The following TBC1D30 variants were observed in gnomAD, a reference collection of about 807,000 sequenced individuals.
TBC1D30 encodes the protein TBC1 domain family member 30.
A neutral mutation model predicts 63.2 loss-of-function variants in TBC1D30; 31 were observed. The observed-to-expected ratio is 0.49, with a 90% CI of 0.37 to 0.66. The LOEUF (loss-of-function observed/expected upper bound fraction) is 0.66. Ranked by LOEUF, TBC1D30 falls within the 30% of genes least tolerant of loss-of-function variation. TBC1D30 has a pLI of 0.00. For missense variants in TBC1D30, 810 were observed against 953.6 expected (o/e 0.85, Z 1.98); for synonymous variants, 307 against 361.5 (o/e 0.85, Z 1.71).
At chr12:64,787,515 C>T (rs1871665203) in intron 2 of TBC1D30, 1 of 297,362 alleles carries the variant, frequency 3.4e-6, no homozygotes. Flanking sequence ...TCCTAGAGTG[C>T]TTTTTTTTCA....
In TBC1D30 at chr12:64,875,815, C is replaced by T. The variant is rs1357519538; in HGVS notation, c.*27C>T. On this transcript the variant is annotated 3_prime_UTR_variant, in exon 12 of 12. Transcript: ENST00000539867. ...GTCTCCCCGAAACTTTGTATCTGGA[C>T]TCACCTTTTCACAGTAGTATAAGGG... The T allele has an allele frequency of 1.8e-5, 27 of 1,505,274 alleles. No individual in the cohort carries two copies. Among genetic ancestry groups the T allele is most frequent in the Non-Finnish European group, 2.4e-5 (27 of 1,133,306 alleles). The allele number at this position is 1,505,274 out of a possible 1,614,324, so 93.2% of individuals were successfully genotyped here. A position where few individuals can be genotyped will look rare whatever the true frequency, so the allele number is the denominator to read the frequency against.
At chr12:64,847,154 A>G (rs1480268088) in intron 8 of TBC1D30, among the ~76,000 whole-genome samples, 2 of 148,052 alleles carry the variant, frequency 1.4e-5, no homozygotes, top group Non-Finnish European at 3.0e-5. Context: ...TTTTCTCTAG[A>G]TTTTCTGATT....
chr12:64,776,489 C>T (rs57495100), upstream of TBC1D30, among the ~76,000 whole-genome samples: 6,116 of 152,124 alleles, frequency 0.04, 440 homozygotes, highest in African/African-American at 0.14. Context: ...CATCTATGCA[C>T]ATAAACTAGA....
rs1879322258 is a variant in TBC1D30 at position 64,879,541 on chromosome 12, A to C, written c.*3753A>C. The C allele has an allele frequency of 6.6e-6, 1 of 152,224 alleles. No individual in the cohort carries two copies. The highest frequency in any genetic ancestry group is 6.5e-5 in the Admixed American group (1 of 15,286). The allele number at this position is 152,224 out of a possible 1,614,324, so 9.4% of individuals were successfully genotyped here. A position where few individuals can be genotyped will look rare whatever the true frequency, so the allele number is the denominator to read the frequency against. On this transcript the variant is annotated 3_prime_UTR_variant, in exon 12 of 12. Transcript: ENST00000539867. ...TGAATGAGAATGCCTGCTTCTCTAC[A>C]TCCTGGAAGAGGCAGCAGTCTCTTT...
intron 11 of TBC1D30, among the ~76,000 whole-genome samples, chr12:64,873,267 G>C (rs1878794837): frequency 6.6e-6 from 1 of 152,080 alleles, no homozygotes; most frequent in Admixed American, 6.5e-5. Flanking sequence ...TGTTTGGTGG[G>C]GATTGGGAGT....
At position 64,827,901 on chromosome 12, in the gene TBC1D30, CT is replaced by C. The variant is rs1278821477; in HGVS notation, c.216+8del. On this transcript the variant is annotated splice_donor_region_variant and intron_variant, in intron 2 of 11. Transcript: ENST00000539867. Reference sequence around the variant, plus strand: ...GGTCAAAATGGTTTTCAGCAGGTAACTTTGATTTTGAAAACACTCTTCTTTT... The same window carrying C: ...GGTCAAAATGGTTTTCAGCAGGTAACTTGATTTTGAAAACACTCTTCTTTT... 6.5e-7 allele frequency: 1 copy of C among 1,532,684 alleles called. No individual in the cohort carries two copies. The allele number at this position is 1,532,684 out of a possible 1,614,324, so 94.9% of individuals were successfully genotyped here.
chr12:64,759,731 G>C (rs1272881034), intron 1 of TBC1D30: 1 of 171,488 alleles, frequency 5.8e-6, no homozygotes, highest in East Asian at 1.7e-4. Context: ...GATTTAAATG[G>C]GGGGAAGAGA....
At chr12:64,762,213 C>T (rs145625122) in intron 1 of TBC1D30, among the ~76,000 whole-genome samples, 450 of 152,234 alleles carry the variant, frequency 3.0e-3, no homozygotes, top group African/African-American at 0.01. Flanking sequence ...TGAGCTGGTG[C>T]ATTGCAATAA....
At chr12:64,825,613 G>T (rs1455350843) in intron 1 of TBC1D30, 2 of 152,806 alleles carry the variant, frequency 1.3e-5, no homozygotes, top group Non-Finnish European at 2.9e-5. Flanking sequence ...GTCCAGGAAC[G>T]AGCCTGGTCG....
intron 2 of TBC1D30, among the ~76,000 whole-genome samples, chr12:64,815,911 C>T (rs1223676514): frequency 5.3e-5 from 8 of 151,848 alleles, no homozygotes; most frequent in Non-Finnish European, 1.0e-4. Flanking sequence ...GTAGCTGGTA[C>T]GATAGCCATG....
At chr12:64,798,623 C>T (rs969191503) in intron 2 of TBC1D30, among the ~76,000 whole-genome samples, 1 of 152,048 alleles carries the variant, frequency 6.6e-6, no homozygotes, top group Non-Finnish European at 1.5e-5. Context: ...AAAACCTTGA[C>T]GTTTGCTCAA....
At chr12:64,834,707 C>CTTTTTTTTTTTTTTT (rs11374555) in intron 5 of TBC1D30, among the ~76,000 whole-genome samples, 1 of 76,340 alleles carries the variant, frequency 1.3e-5, no homozygotes, top group East Asian at 4.5e-4. Context: ...CCGTGCCGGG[C>CTTTTTTTTTTTTTTT]TTTTTTTTTT....
At chr12:64,818,421 A>C (rs1160165946) in intron 2 of TBC1D30, 11 of 983,182 alleles carry the variant, frequency 1.1e-5, no homozygotes, top group Non-Finnish European at 1.2e-5. Context: ...GTCACTACTC[A>C]CTCAGTAAAC....
intron 8 of TBC1D30, among the ~76,000 whole-genome samples, chr12:64,844,763 A>G (rs138100019): frequency 0.035 from 5,360 of 152,232 alleles, 119 homozygotes; most frequent in African/African-American, 0.054. Flanking sequence ...TTAAGTGAGA[A>G]CATTCAAAGT....
Position 64,878,585 on chromosome 12 carries a change from G to A in TBC1D30, c.*2797G>A, listed in dbSNP as rs1879249779. 1 of 456,306 alleles carries A rather than the reference G, an allele frequency of 2.2e-6. No individual in the cohort carries two copies. The highest frequency in any genetic ancestry group is 1.5e-5 in the South Asian group (1 of 64,520). The allele number at this position is 456,306 out of a possible 1,614,324, so 28.3% of individuals were successfully genotyped here. ...TTGTTTGTCTCTTGTTGTTCTGAAGGATTGTATTGATCACAAAGCTATATG... is the reference window on the plus strand; with the variant it reads ...TTGTTTGTCTCTTGTTGTTCTGAAGAATTGTATTGATCACAAAGCTATATG... On this transcript the variant is annotated 3_prime_UTR_variant, in exon 12 of 12. Coordinates refer to ENST00000539867, the MANE Select transcript of TBC1D30 (RefSeq NM_015279.2).
At chr12:64,863,045 C>T (rs1045556195) in intron 8 of TBC1D30, among the ~76,000 whole-genome samples, 5 of 152,240 alleles carry the variant, frequency 3.3e-5, no homozygotes, top group South Asian at 4.1e-4. Flanking sequence ...GCAGTGGCAG[C>T]GAGGTAGCTG....
At chr12:64,819,309 C>T (rs933713086) in intron 2 of TBC1D30, among the ~76,000 whole-genome samples, 2 of 151,962 alleles carry the variant, frequency 1.3e-5, no homozygotes, top group African/African-American at 4.8e-5. Flanking sequence ...TCAATTTCCT[C>T]CTGCTGCCCT....
chr12:64,851,476 T>C (rs1876870351), intron 8 of TBC1D30, among the ~76,000 whole-genome samples: 1 of 152,254 alleles, frequency 6.6e-6, no homozygotes, highest in African/African-American at 2.4e-5. Context: ...TCTTGACTCT[T>C]TATCCAGTTT....
At chr12:64,839,092 C>G (rs557216492) in intron 7 of TBC1D30, among the ~76,000 whole-genome samples, 1 of 152,160 alleles carries the variant, frequency 6.6e-6, no homozygotes, top group Non-Finnish European at 1.5e-5. Context: ...TGTGTCCTGG[C>G]TGGTTCACTC....
Sources: allele counts gnomAD v4.1 joint callset (sites outside exome capture counted in the v4.1 genomes callset), GRCh38; gene constraint gnomAD v4.1.1; transcripts MANE v1.5; gene names NCBI Gene and HGNC (gene_info 2026-07-23, HGNC 2026-07-21).